BCAS3: variants seen among roughly 807,000 people sequenced by gnomAD.
BCAS3 encodes BCAS4/BCAS3 fusion.
Under a neutral mutation model 116.1 loss-of-function variants are expected in BCAS3, and 53 were observed. That is an observed-to-expected ratio of 0.46 (90% CI 0.37 to 0.57). BCAS3 has a LOEUF of 0.57. Ranked by LOEUF, BCAS3 falls within the 20% of genes least tolerant of loss-of-function variation. BCAS3 has a pLI of 0.00. For missense variants in BCAS3, 917 were observed against 1,165.4 expected, an observed-to-expected ratio of 0.79 and a Z score of 3.10; for synonymous variants, 391 against 408.2, an observed-to-expected ratio of 0.96 and a Z score of 0.51.
rs1458858505 is a variant in BCAS3, at chr17:61,248,686, C to G, written c.2426-119641C>G. On this transcript the variant is annotated intron_variant, in intron 22 of 23. Coordinates refer to ENST00000407086, the MANE Select transcript of BCAS3 (RefSeq NM_017679.5). The surrounding 1 kb of genome is among the most constrained non-coding windows in gnomAD (Gnocchi z 4.3). ...CCAGCTTTGTGGCAGATGACCAACC[C>G]TGATAGCCTGATTTTTAAGGCCCCT... 6.6e-6 allele frequency among the ~76,000 whole-genome samples: 1 copy of G among 152,134 alleles called. No individual in the cohort carries two copies. Among genetic ancestry groups the G allele is most frequent in the Non-Finnish European group, 1.5e-5 (1 of 68,030 alleles).
chr17:60,717,877 T>G (rs181040526), intron 5 of BCAS3, among the ~76,000 whole-genome samples: 78 of 152,298 alleles, frequency 5.1e-4, no homozygotes, highest in African/African-American at 1.9e-3. Context: ...ATTATACAAC[T>G]CACCATAATG....
chr17:60,900,266 A>G (rs1029770671), intron 10 of BCAS3: 2 of 152,112 alleles, frequency 1.3e-5, no homozygotes, highest in Non-Finnish European at 2.9e-5. Flanking sequence ...GAAAGTGTAT[A>G]GGACCCAGTA....
chr17:60,714,180 T>C (rs1189056368), intron 5 of BCAS3, among the ~76,000 whole-genome samples: 1 of 152,090 alleles, frequency 6.6e-6, no homozygotes, highest in African/African-American at 2.4e-5. Flanking sequence ...GTCGCCCAGA[T>C]TGGTCTTGAA....
intron 23 of BCAS3, among the ~76,000 whole-genome samples, chr17:61,372,686 G>T (rs868390545): frequency 6.6e-6 from 1 of 152,102 alleles, no homozygotes; most frequent in Non-Finnish European, 1.5e-5. Flanking sequence ...CCGAGCATAC[G>T]CAGTCTCTTG....
chr17:61,043,480 T>C (rs1219600296), intron 19 of BCAS3, among the ~76,000 whole-genome samples: 1 of 152,092 alleles, frequency 6.6e-6, no homozygotes, highest in Non-Finnish European at 1.5e-5. Context: ...CAATTCTTTA[T>C]AAGGCTGATG....
chr17:61,104,147 A>G lies in BCAS3; in HGVS notation c.2425+19583A>G, dbSNP rs544580269. ...TTACCAAAATGACTATTTCACTTGG[A>G]AAGTTTTGTCTTTTCTGTAAAAATT... On this transcript the variant is annotated intron_variant, in intron 22 of 23. Transcript: ENST00000407086. This position sits in a 1 kb window ranked among gnomAD's most constrained non-coding sequence, Gnocchi z 4.1. Among the ~76,000 whole-genome samples the G allele has an allele frequency of 3.3e-5, 5 of 152,128 alleles. No individual in the cohort carries two copies. Among genetic ancestry groups the G allele is most frequent in the Non-Finnish European group, 7.4e-5 (5 of 68,016 alleles).
intron 15 of BCAS3, chr17:61,002,845 G>A (rs1018807661): frequency 6.6e-6 from 1 of 151,968 alleles, no homozygotes; most frequent in Non-Finnish European, 1.5e-5. Context: ...GAGGCATTGA[G>A]GCATTATAAG....
chr17:61,089,797 G>C (rs911815029), intron 22 of BCAS3, among the ~76,000 whole-genome samples: 2 of 151,726 alleles, frequency 1.3e-5, no homozygotes, highest in Admixed American at 6.6e-5. Flanking sequence ...CTCCCAAAGT[G>C]CTGGGATTAC....
intron 15 of BCAS3, among the ~76,000 whole-genome samples, chr17:61,006,932 A>G (rs1344785366): frequency 6.6e-6 from 1 of 152,074 alleles, no homozygotes. Flanking sequence ...CAATCCTAAT[A>G]CGTAAAATGA....
At chr17:60,752,458 C>T (rs2042567270) in intron 6 of BCAS3, among the ~76,000 whole-genome samples, 1 of 150,654 alleles carries the variant, frequency 6.6e-6, no homozygotes, top group Admixed American at 6.6e-5. Flanking sequence ...GAGTCTCACT[C>T]TGTCGCCCAG....
chr17:61,211,505 A>T lies in BCAS3; in HGVS notation c.2425+126941A>T, dbSNP rs2081455098. ...GCTGATTTAAAGTGAGTGTTGCTCC[A>T]CCTAAGAGCTGTTGGCTGAAAAAAG... On this transcript the variant is annotated intron_variant, in intron 22 of 23. Coordinates refer to ENST00000407086, the MANE Select transcript of BCAS3 (RefSeq NM_017679.5). This position sits in a 1 kb window ranked among gnomAD's most constrained non-coding sequence, Gnocchi z 4.4. 6.6e-6 allele frequency among the ~76,000 whole-genome samples: 1 copy of T among 152,158 alleles called. No individual in the cohort carries two copies. Among genetic ancestry groups the T allele is most frequent in the African/African-American group, 2.4e-5 (1 of 41,434 alleles).
chr17:61,170,543 T>C (rs553016302), intron 22 of BCAS3, among the ~76,000 whole-genome samples: 2 of 151,500 alleles, frequency 1.3e-5, no homozygotes, highest in African/African-American at 4.8e-5. Flanking sequence ...CTGCCTGCCT[T>C]GGCCTCCCAA....
Position 60,789,139 on chromosome 17 carries a change from T to G in BCAS3, c.404-18865T>G, listed in dbSNP as rs149567600. Among the ~76,000 whole-genome samples the G allele has an allele frequency of 7.9e-5, 12 of 152,296 alleles. No individual in the cohort carries two copies. The East Asian group carries it at 2.3e-3, about 29-fold the overall frequency. ...TGAAAATTGATTAGTTTCAGCATAC[T>G]TTTGCATAAAATCTTCACATTGAAG... On this transcript the variant is annotated intron_variant, in intron 6 of 23. Coordinates refer to ENST00000407086, the MANE Select transcript of BCAS3 (RefSeq NM_017679.5).
At chr17:61,079,656 T>G (rs1340284495) in intron 21 of BCAS3, among the ~76,000 whole-genome samples, 2 of 152,026 alleles carry the variant, frequency 1.3e-5, no homozygotes, top group East Asian at 3.9e-4. Context: ...AGTGCAATGG[T>G]GTGATCTCTG....
At chr17:61,125,870 A>C (rs1010626222) in intron 22 of BCAS3, among the ~76,000 whole-genome samples, 4 of 152,184 alleles carry the variant, frequency 2.6e-5, no homozygotes, top group Non-Finnish European at 4.4e-5. Flanking sequence ...CTCATGCTAA[A>C]TGCTGAAGAT....
intron 7 of BCAS3, among the ~76,000 whole-genome samples, chr17:60,817,293 G>C (rs2049516914): frequency 6.6e-6 from 1 of 152,166 alleles, no homozygotes; most frequent in Non-Finnish European, 1.5e-5. Context: ...GCAGTGTCTT[G>C]TGTAATAATG....
At chr17:60,940,294 CAG>C (rs2060158291) in intron 13 of BCAS3, among the ~76,000 whole-genome samples, 1 of 152,130 alleles carries the variant, frequency 6.6e-6, no homozygotes, top group Non-Finnish European at 1.5e-5. Context: ...GTGCCTTTAA[CAG>C]AGTGTTATGT....
chr17:61,332,259 C>T lies in BCAS3; in HGVS notation c.2426-36068C>T, dbSNP rs1382729300. Reference sequence around the variant, plus strand: ...GAACAGATACTGCCTGGTGACCCACCTAAAACAGTCTTACTAGGACAGCAG... The same window carrying T: ...GAACAGATACTGCCTGGTGACCCACTTAAAACAGTCTTACTAGGACAGCAG... On this transcript the variant is annotated intron_variant, in intron 22 of 23. Coordinates refer to ENST00000407086, the MANE Select transcript of BCAS3 (RefSeq NM_017679.5). This position sits in a 1 kb window ranked among gnomAD's most constrained non-coding sequence, Gnocchi z 5.4. Among the ~76,000 whole-genome samples, 1 of 152,168 alleles carries T rather than the reference C, an allele frequency of 6.6e-6. No homozygotes were observed. Among genetic ancestry groups the T allele is most frequent in the Admixed American group, 6.5e-5 (1 of 15,278 alleles).
At chr17:60,752,724 G>C (rs969857753) in intron 6 of BCAS3, among the ~76,000 whole-genome samples, 7 of 86,964 alleles carry the variant, frequency 8.0e-5, no homozygotes, top group African/African-American at 1.8e-4. Flanking sequence ...TCCTCTTAGA[G>C]AGAGTCTACC....
Sources: allele counts gnomAD v4.1 joint callset (sites outside exome capture counted in the v4.1 genomes callset), GRCh38; gene constraint gnomAD v4.1.1; non-coding constraint Gnocchi (gnomAD v3.1); transcripts MANE v1.5; gene names NCBI Gene and HGNC (gene_info 2026-07-23, HGNC 2026-07-21).